ATP13A4: variants seen among roughly 807,000 people sequenced by gnomAD.
ATP13A4 encodes the protein ATPase 13A4.
A neutral mutation model predicts 142.5 loss-of-function variants in ATP13A4; 114 were observed. The observed-to-expected ratio is 0.80, with a 90% CI of 0.69 to 0.93. The LOEUF is 0.93. Ranked by LOEUF, ATP13A4 falls within the 40% of genes least tolerant of loss-of-function variation. The pLI, the probability that ATP13A4 is intolerant of heterozygous loss-of-function variation, is 0.00. For synonymous variants in ATP13A4, 488 were observed against 514.8 expected (o/e 0.95, Z 0.70); for missense variants, 1,392 against 1,454.0 (o/e 0.96, Z 0.69).
At chr3:193,534,350 A>C (rs1305580773) in intron 1 of ATP13A4, among the ~76,000 whole-genome samples, 1 of 152,252 alleles carries the variant, frequency 6.6e-6, no homozygotes, top group Non-Finnish European at 1.5e-5. Context: ...ATATGTAAAT[A>C]ACCAGGAAGA....
At chr3:193,461,711 T>C (rs1021787796) in intron 13 of ATP13A4, among the ~76,000 whole-genome samples, 5 of 152,250 alleles carry the variant, frequency 3.3e-5, no homozygotes, top group Non-Finnish European at 5.9e-5. Flanking sequence ...ATTTAAGTTA[T>C]AAGTGTTAGA....
intron 1 of ATP13A4, among the ~76,000 whole-genome samples, chr3:193,529,641 C>T (rs1722210032): frequency 6.6e-6 from 1 of 152,096 alleles, no homozygotes; most frequent in Admixed American, 6.5e-5. Context: ...AAACAAGAGA[C>T]AAGTGACCTA....
At chr3:193,420,059 G>T (rs1009249780) in intron 25 of ATP13A4, among the ~76,000 whole-genome samples, 1 of 149,736 alleles carries the variant, frequency 6.7e-6, no homozygotes, top group Non-Finnish European at 1.5e-5. Flanking sequence ...CCTGCTCCCT[G>T]GTCCCAAACC....
chr3:193,461,406 G>T (rs1437971709), intron 13 of ATP13A4, among the ~76,000 whole-genome samples: 1 of 152,154 alleles, frequency 6.6e-6, no homozygotes, highest in Non-Finnish European at 1.5e-5. Flanking sequence ...CACATATTTT[G>T]CAGAAGCTGA....
intron 9 of ATP13A4, among the ~76,000 whole-genome samples, chr3:193,468,189 T>C (rs1019264408): frequency 2.6e-5 from 4 of 151,304 alleles, no homozygotes; most frequent in African/African-American, 7.3e-5. Flanking sequence ...CAAAAATAAA[T>C]AAATAAATAA....
intron 1 of ATP13A4, among the ~76,000 whole-genome samples, chr3:193,590,238 G>A (rs1475520594): frequency 1.3e-5 from 2 of 152,162 alleles, no homozygotes; most frequent in East Asian, 1.9e-4. Context: ...GTGGGCAAGG[G>A]GTAGGGAATG....
intron 2 of ATP13A4, among the ~76,000 whole-genome samples, chr3:193,509,796 T>G (rs192293692): frequency 6.6e-6 from 1 of 152,124 alleles, no homozygotes; most frequent in Admixed American, 6.6e-5. Context: ...ATTTAATAAG[T>G]AGAGACAACA....
intron 29 of ATP13A4, among the ~76,000 whole-genome samples, chr3:193,406,986 A>G (rs1182680155): frequency 6.6e-6 from 1 of 152,198 alleles, no homozygotes; most frequent in Non-Finnish European, 1.5e-5. Context: ...TGTGGACTTT[A>G]AAAGGGTGAA....
At chr3:193,418,647 C>A (rs538267139) in intron 25 of ATP13A4, among the ~76,000 whole-genome samples, 1 of 149,706 alleles carries the variant, frequency 6.7e-6, no homozygotes, top group Non-Finnish European at 1.5e-5. Flanking sequence ...CCCAGCAGCC[C>A]CCATCAACAC....
At position 193,435,561 on chromosome 3, in the gene ATP13A4, T is replaced by A. The variant is rs77536402; in HGVS notation, c.2769+87A>T. 6,771 of 1,053,306 alleles carry A rather than the reference T, an allele frequency of 6.4e-3. 142 individuals are homozygous for A. The highest frequency in any genetic ancestry group is 0.039 in the African/African-American group (2,507 of 64,014). 65.2% of individuals were successfully genotyped at this position (1,053,306 alleles called of 1,614,324 possible). A position where few individuals can be genotyped will look rare whatever the true frequency, so the allele number is the denominator to read the frequency against. ...TGTTGTTCAGATATCCTATTTGTAC[T>A]CTTTCTTTGAGAGGCATTGTAAATT... On this transcript the variant is annotated intron_variant, in intron 24 of 29. Coordinates refer to ENST00000342695, the MANE Select transcript of ATP13A4 (RefSeq NM_032279.4).
At chr3:193,525,291 G>A (rs1721940615) in intron 1 of ATP13A4, among the ~76,000 whole-genome samples, 1 of 152,144 alleles carries the variant, frequency 6.6e-6, no homozygotes. Context: ...GAAGAAAGCT[G>A]AAATCTTAAG....
intron 1 of ATP13A4, among the ~76,000 whole-genome samples, chr3:193,552,583 G>A (rs949022717): frequency 1.6e-4 from 24 of 152,192 alleles, no homozygotes; most frequent in Non-Finnish European, 2.6e-4. Context: ...ACAGATGCTG[G>A]GGAATCTAAG....
chr3:193,548,646 G>T (rs1184353718), intron 1 of ATP13A4, among the ~76,000 whole-genome samples: 2 of 152,178 alleles, frequency 1.3e-5, no homozygotes, highest in East Asian at 3.8e-4. Flanking sequence ...TGGCTATTGA[G>T]GTGGGGGAGG....
chr3:193,523,271 T>C (rs1721821688), intron 1 of ATP13A4, among the ~76,000 whole-genome samples: 1 of 150,340 alleles, frequency 6.7e-6, no homozygotes, highest in Non-Finnish European at 1.5e-5. Context: ...GCCATTGTAC[T>C]CCAGGCTGGG....
intron 7 of ATP13A4, among the ~76,000 whole-genome samples, chr3:193,487,698 A>C (rs1447496452): frequency 6.6e-6 from 1 of 152,130 alleles, no homozygotes; most frequent in Non-Finnish European, 1.5e-5. Context: ...AATTGCAGAA[A>C]TTTTCTATCT....
chr3:193,499,964 T>A (rs1214060486), intron 3 of ATP13A4, among the ~76,000 whole-genome samples: 3 of 152,188 alleles, frequency 2.0e-5, no homozygotes, highest in African/African-American at 7.2e-5. Flanking sequence ...TTAAGCCATT[T>A]CTCACAGAGT....
upstream of ATP13A4, among the ~76,000 whole-genome samples, chr3:193,556,219 G>A (rs531848922): frequency 2.0e-5 from 3 of 152,130 alleles, no homozygotes; most frequent in Non-Finnish European, 4.4e-5. Context: ...TTTTAAGAAA[G>A]AGTGCCTGGG....
chr3:193,439,082 T>C lies in ATP13A4; in HGVS notation c.2520-17A>G, dbSNP rs776271212. 6.3e-7 allele frequency: 1 copy of C among 1,591,862 alleles called. No homozygotes were observed. Among genetic ancestry groups the C allele is most frequent in the African/African-American group, 1.3e-5 (1 of 74,480 alleles). On this transcript the variant is annotated splice_polypyrimidine_tract_variant and intron_variant, in intron 21 of 29. Coordinates refer to ENST00000342695, the MANE Select transcript of ATP13A4 (RefSeq NM_032279.4). ...ACAAAGTAACTAAGAGGGAACCACATTAATTGTAGATGAGATCAAACCTAT... is the reference window on the plus strand; with the variant it reads ...ACAAAGTAACTAAGAGGGAACCACACTAATTGTAGATGAGATCAAACCTAT...
At chr3:193,440,444 C>T (rs1030483758) in intron 21 of ATP13A4, 114 bp downstream of exon 21, 24 of 1,552,558 alleles carry the variant, frequency 1.5e-5, no homozygotes, top group East Asian at 1.4e-4. Flanking sequence ...CTCATGCAGC[C>T]GAAGTACGGA....
Sources: gnomAD v4.1 joint callset for allele counts (sites outside exome capture counted in the v4.1 genomes callset) on GRCh38, gnomAD v4.1.1 for gene constraint, MANE v1.5 for transcripts, NCBI Gene and HGNC (gene_info 2026-07-23, HGNC 2026-07-21) for gene names.